The following SEMA5A variants were observed in gnomAD, a reference collection of about 807,000 sequenced individuals.
SEMA5A encodes semaphorin 5A.
SEMA5A carries 55 observed loss-of-function variants against 135.5 expected under a neutral mutation model. The observed-to-expected ratio is 0.41, with a 90% CI of 0.33 to 0.51. SEMA5A has a LOEUF of 0.51. Ranked by LOEUF, SEMA5A falls within the 20% of genes least tolerant of loss-of-function variation. SEMA5A has a pLI of 0.37. For synonymous variants in SEMA5A, 580 were observed against 546.5 expected, an observed-to-expected ratio of 1.06 and a Z score of -0.85; for missense variants, 1,290 against 1,419.9, an observed-to-expected ratio of 0.91 and a Z score of 1.47.
At chr5:9,536,649 C>G (rs1302160245) in intron 1 of SEMA5A, among the ~76,000 whole-genome samples, 2 of 151,688 alleles carry the variant, frequency 1.3e-5, no homozygotes, top group African/African-American at 2.4e-5. Context: ...AAACTGCAGT[C>G]TAGGATTTCC....
chr5:9,464,658 G>A (rs1208288034), intron 1 of SEMA5A, among the ~76,000 whole-genome samples: 1 of 152,162 alleles, frequency 6.6e-6, no homozygotes, highest in Non-Finnish European at 1.5e-5. Flanking sequence ...TGGGCCCCAG[G>A]CTTGGATGCC....
At chr5:9,524,699 A>G (rs904343635) in intron 1 of SEMA5A, among the ~76,000 whole-genome samples, 1 of 152,260 alleles carries the variant, frequency 6.6e-6, no homozygotes, top group Admixed American at 6.5e-5. Flanking sequence ...CACAAAAATA[A>G]TGATGAAAGT....
At chr5:9,444,764 G>C (rs542893748) in intron 1 of SEMA5A, among the ~76,000 whole-genome samples, 1 of 152,158 alleles carries the variant, frequency 6.6e-6, no homozygotes. Context: ...TAAATGCTGA[G>C]AGCGGAGTTA....
chr5:9,184,702 T>C (rs1317970293), intron 11 of SEMA5A, among the ~76,000 whole-genome samples: 1 of 152,208 alleles, frequency 6.6e-6, no homozygotes, highest in Non-Finnish European at 1.5e-5. Context: ...GTGAACTTCC[T>C]TTTCATCTCA....
At chr5:9,375,663 T>C (rs1755335491) in intron 3 of SEMA5A, among the ~76,000 whole-genome samples, 1 of 149,976 alleles carries the variant, frequency 6.7e-6, no homozygotes, top group Non-Finnish European at 1.5e-5. Flanking sequence ...GCTGACAGAA[T>C]TTCTCAGAAA....
chr5:9,485,222 G>A (rs1355687195), intron 1 of SEMA5A, among the ~76,000 whole-genome samples: 1 of 151,508 alleles, frequency 6.6e-6, no homozygotes, highest in African/African-American at 2.4e-5. Flanking sequence ...CTGAGCATAT[G>A]TACCTGTCCT....
chr5:9,407,981 T>C (rs1756953041), intron 2 of SEMA5A, among the ~76,000 whole-genome samples: 1 of 151,536 alleles, frequency 6.6e-6, no homozygotes, highest in African/African-American at 2.4e-5. Flanking sequence ...ATTGCCACCA[T>C]CACTACTACT....
At chr5:9,448,430 C>T in intron 1 of SEMA5A, among the ~76,000 whole-genome samples, 1 of 152,170 alleles carries the variant, frequency 6.6e-6, no homozygotes, top group East Asian at 1.9e-4. Context: ...ATGGTAAACC[C>T]CTAGCAGGGA....
intron 3 of SEMA5A, among the ~76,000 whole-genome samples, chr5:9,341,189 AACACACACACACACATACACAC>A (rs927194108): frequency 6.7e-6 from 1 of 148,838 alleles, no homozygotes; most frequent in Non-Finnish European, 1.5e-5. Context: ...CACACATACA[AACACACACACACACATACACAC>A]ACACACACAC....
At chr5:9,366,761 G>A (rs62342039) in intron 3 of SEMA5A, among the ~76,000 whole-genome samples, 11,905 of 152,268 alleles carry the variant, frequency 0.078, 648 homozygotes, top group East Asian at 0.18. Context: ...GATAAAGAAT[G>A]TCCCAAATGT....
chr5:9,183,722 C>T (rs1744652988), intron 11 of SEMA5A, among the ~76,000 whole-genome samples: 1 of 152,236 alleles, frequency 6.6e-6, no homozygotes, highest in South Asian at 2.1e-4. Flanking sequence ...GCTTCTTCCT[C>T]AGATAGTAAA....
At chr5:9,396,145 G>A (rs893462347) in intron 2 of SEMA5A, among the ~76,000 whole-genome samples, 6 of 151,980 alleles carry the variant, frequency 3.9e-5, no homozygotes, top group African/African-American at 1.2e-4. Flanking sequence ...GTAGGATCAG[G>A]CAGTACTTTA....
intron 1 of SEMA5A, among the ~76,000 whole-genome samples, chr5:9,481,313 A>G (rs1344383419): frequency 2.0e-5 from 3 of 152,140 alleles, no homozygotes; most frequent in African/African-American, 7.2e-5. Context: ...AACTTTGCTC[A>G]CAATTTAGGC....
intron 1 of SEMA5A, among the ~76,000 whole-genome samples, chr5:9,450,686 A>G (rs1195945691): frequency 6.6e-6 from 1 of 152,106 alleles, no homozygotes. Flanking sequence ...TCTATTTTAC[A>G]GAAGGCTTTA....
chr5:9,155,447 G>C (rs1478627542), intron 11 of SEMA5A, among the ~76,000 whole-genome samples: 1 of 152,038 alleles, frequency 6.6e-6, no homozygotes, highest in Non-Finnish European at 1.5e-5. Flanking sequence ...CCAGCTTAGG[G>C]GGACACACAG....
chr5:9,301,883 C>T (rs1282620413), intron 5 of SEMA5A, among the ~76,000 whole-genome samples: 1 of 152,088 alleles, frequency 6.6e-6, no homozygotes, highest in Non-Finnish European at 1.5e-5. Flanking sequence ...TCTCACAGTT[C>T]TGGAGAGAAG....
intron 5 of SEMA5A, among the ~76,000 whole-genome samples, chr5:9,307,174 T>C (rs1751910001): frequency 6.6e-6 from 1 of 152,202 alleles, no homozygotes; most frequent in Admixed American, 6.5e-5. Context: ...GAAGGGATCA[T>C]GTAGTATCAC....
intron 3 of SEMA5A, among the ~76,000 whole-genome samples, chr5:9,338,709 T>C (rs1041694772): frequency 1.3e-5 from 2 of 151,990 alleles, no homozygotes; most frequent in African/African-American, 4.8e-5. Flanking sequence ...ACCAGGCACA[T>C]AACAACTGTC....
chr5:9,397,402 G>GA (rs1378102639), intron 2 of SEMA5A, among the ~76,000 whole-genome samples: 1 of 152,202 alleles, frequency 6.6e-6, no homozygotes, highest in African/African-American at 2.4e-5. Context: ...TTCAAGTGGG[G>GA]ATAATACTAG....
Sources: allele counts gnomAD v4.1 joint callset (sites outside exome capture counted in the v4.1 genomes callset), GRCh38; gene constraint gnomAD v4.1.1; transcripts MANE v1.5; gene names NCBI Gene and HGNC (gene_info 2026-07-23, HGNC 2026-07-21).